PRKG1: variants seen among roughly 807,000 people sequenced by gnomAD.
PRKG1 encodes cGMP-dependent protein kinase 1.
PRKG1 carries 35 observed loss-of-function variants against 88.1 expected under a neutral mutation model. The observed-to-expected ratio is 0.40, with a 90% CI of 0.30 to 0.53. The LOEUF is 0.53. PRKG1 is among the 20% of genes least tolerant of loss of function. The probability of loss-of-function intolerance (pLI) is 0.59; values close to 1 mark genes in which losing one functional copy is unlikely to be tolerated. For missense variants in PRKG1, 540 were observed against 839.8 expected, an observed-to-expected ratio of 0.64 and a Z score of 4.41; for synonymous variants, 303 against 292.5, an observed-to-expected ratio of 1.04 and a Z score of -0.37.
At chr10:51,513,915 C>G (rs1316355189) in intron 3 of PRKG1, among the ~76,000 whole-genome samples, 1 of 130,654 alleles carries the variant, frequency 7.7e-6, no homozygotes, top group Non-Finnish European at 1.6e-5. Context: ...AAATTGACAC[C>G]CTAACATCAC....
intron 3 of PRKG1, among the ~76,000 whole-genome samples, chr10:51,509,983 T>C (rs1013612808): frequency 6.6e-6 from 1 of 152,136 alleles, no homozygotes; most frequent in African/African-American, 2.4e-5. Context: ...CTCACTGAGA[T>C]GATAAGACTG....
At chr10:51,714,913 C>A (rs555937506) in intron 3 of PRKG1, among the ~76,000 whole-genome samples, 1 of 152,234 alleles carries the variant, frequency 6.6e-6, no homozygotes, top group South Asian at 2.1e-4. Flanking sequence ...TGAGAGTAAT[C>A]TCTATGTGTT....
intron 4 of PRKG1, among the ~76,000 whole-genome samples, chr10:51,826,690 A>G (rs910223078): frequency 1.3e-5 from 2 of 152,146 alleles, no homozygotes; most frequent in African/African-American, 4.8e-5. Flanking sequence ...CTTTACAGAG[A>G]GCTGGAACCA....
rs1196590603 is a variant in PRKG1, at chr10:52,294,995, C to T, written c.*1095C>T. ...ATTAAACCAAACTCCTGTCCAATTTCACTTATACAACATAGTCAGTCTAGA... is the reference window on the plus strand; with the variant it reads ...ATTAAACCAAACTCCTGTCCAATTTTACTTATACAACATAGTCAGTCTAGA... On this transcript the variant is annotated 3_prime_UTR_variant, in exon 18 of 18. Transcript: ENST00000373980. 1 of 152,526 alleles carries T rather than the reference C, an allele frequency of 6.6e-6. No individual in the cohort carries two copies. Among genetic ancestry groups the T allele is most frequent in the Non-Finnish European group, 1.5e-5 (1 of 68,020 alleles). 9.4% of individuals were successfully genotyped at this position (152,526 alleles called of 1,614,324 possible). A position where few individuals can be genotyped will look rare whatever the true frequency, so the allele number is the denominator to read the frequency against.
At chr10:52,153,749 C>T (rs1838006436) in intron 8 of PRKG1, among the ~76,000 whole-genome samples, 1 of 151,918 alleles carries the variant, frequency 6.6e-6, no homozygotes, top group Non-Finnish European at 1.5e-5. Context: ...TTTATTTATT[C>T]ATTCATTTAT....
At chr10:52,284,012 G>A (rs1842058811) in intron 14 of PRKG1, among the ~76,000 whole-genome samples, 1 of 151,762 alleles carries the variant, frequency 6.6e-6, no homozygotes, top group Admixed American at 6.6e-5. Context: ...AAGTAATAAG[G>A]TGAAAATGAT....
At chr10:51,896,664 A>C (rs1030844701) in intron 4 of PRKG1, among the ~76,000 whole-genome samples, 1 of 150,766 alleles carries the variant, frequency 6.6e-6, no homozygotes, top group African/African-American at 2.4e-5. Flanking sequence ...AAAAAAAAAA[A>C]AAAAAAGAAA....
chr10:51,115,253 G>A (rs1465148587), intron 1 of PRKG1, among the ~76,000 whole-genome samples: 1 of 141,688 alleles, frequency 7.1e-6, no homozygotes, highest in African/African-American at 2.6e-5. Flanking sequence ...GGCAGAGGTT[G>A]CAGTGAGCTG....
At chr10:51,821,806 A>T (rs1484646240) in intron 4 of PRKG1, among the ~76,000 whole-genome samples, 1 of 152,150 alleles carries the variant, frequency 6.6e-6, no homozygotes, top group Non-Finnish European at 1.5e-5. Context: ...AAATAAACTC[A>T]TGCATATGGT....
intron 7 of PRKG1, among the ~76,000 whole-genome samples, chr10:52,096,435 T>C (rs1847174708): frequency 6.6e-6 from 1 of 152,204 alleles, no homozygotes; most frequent in Non-Finnish European, 1.5e-5. Context: ...TCTGAGTTTT[T>C]GAATCTTGCA....
intron 5 of PRKG1, among the ~76,000 whole-genome samples, chr10:51,939,619 A>T (rs1842863796): frequency 6.6e-6 from 1 of 151,698 alleles, no homozygotes; most frequent in African/African-American, 2.4e-5. Flanking sequence ...TTTGAGAAAC[A>T]CCACTATCTT....
chr10:51,170,352 C>A (rs1846670069), intron 2 of PRKG1, among the ~76,000 whole-genome samples: 2 of 151,814 alleles, frequency 1.3e-5, no homozygotes, highest in Admixed American at 1.3e-4. Flanking sequence ...GTGGTCATTT[C>A]TCTGCAAGAC....
intron 3 of PRKG1, among the ~76,000 whole-genome samples, chr10:51,652,586 G>A (rs548068023): frequency 6.6e-6 from 1 of 151,914 alleles, no homozygotes; most frequent in East Asian, 1.9e-4. Flanking sequence ...TTTGTCATTT[G>A]GCCTTTTTAA....
intron 3 of PRKG1, among the ~76,000 whole-genome samples, chr10:51,526,395 G>A (rs537697906): frequency 2.6e-5 from 4 of 152,154 alleles, no homozygotes; most frequent in African/African-American, 4.8e-5. Context: ...TAAAAGCAGC[G>A]CTAAAACCTG....
At chr10:51,224,724 C>T (rs140023283) in intron 2 of PRKG1, among the ~76,000 whole-genome samples, 4 of 152,262 alleles carry the variant, frequency 2.6e-5, no homozygotes, top group East Asian at 3.9e-4. Context: ...CTTAGAAGAA[C>T]GAGCTTGCTT....
At chr10:51,229,941 A>AAAAAG (rs1838795315) in intron 2 of PRKG1, among the ~76,000 whole-genome samples, 1 of 135,984 alleles carries the variant, frequency 7.4e-6, no homozygotes, top group Non-Finnish European at 1.5e-5. Flanking sequence ...AAAAAAAAAA[A>AAAAAG]AAAAAAAGAA....
At chr10:51,261,354 G>T (rs1342851398) in intron 2 of PRKG1, among the ~76,000 whole-genome samples, 1 of 152,214 alleles carries the variant, frequency 6.6e-6, no homozygotes, top group East Asian at 1.9e-4. Flanking sequence ...ATTTTGTTTG[G>T]GGTATTATGA....
At chr10:51,956,846 A>G (rs1264645437) in intron 5 of PRKG1, among the ~76,000 whole-genome samples, 2 of 152,096 alleles carry the variant, frequency 1.3e-5, no homozygotes, top group Non-Finnish European at 2.9e-5. Context: ...TGTACTTACC[A>G]TATTCACTGG....
intron 8 of PRKG1, among the ~76,000 whole-genome samples, chr10:52,145,884 G>T (rs1198010160): frequency 6.6e-6 from 1 of 152,180 alleles, no homozygotes; most frequent in African/African-American, 2.4e-5. Flanking sequence ...TTCATTCCCA[G>T]ACAGCTGTGT....
Sources: gnomAD v4.1 joint callset for allele counts (sites outside exome capture counted in the v4.1 genomes callset) on GRCh38, gnomAD v4.1.1 for gene constraint, MANE v1.5 for transcripts, NCBI Gene and HGNC (gene_info 2026-07-23, HGNC 2026-07-21) for gene names.